The following PHF7 variants were observed in gnomAD, a reference collection of about 807,000 sequenced individuals.
The protein encoded by PHF7 is PHD finger protein 7, also known as E3 ubiquitin-protein ligase PHF7.
PHF7 carries 24 observed loss-of-function variants against 47.5 expected under a neutral mutation model. That is an observed-to-expected ratio of 0.51 (90% CI 0.37 to 0.71). The LOEUF (loss-of-function observed/expected upper bound fraction) is 0.71, where lower values mean the gene tolerates loss of function less well. Among genes scored for constraint, PHF7 ranks in the 30% least tolerant of loss-of-function variants. The probability of loss-of-function intolerance (pLI) is 0.00; values close to 1 mark genes in which losing one functional copy is unlikely to be tolerated. For missense variants in PHF7, 361 were observed against 456.8 expected (o/e 0.79, Z 1.91); for synonymous variants, 156 against 153.8 (o/e 1.01, Z -0.11).
intron 7 of PHF7, 145 bp downstream of exon 7, chr3:52,421,207 G>A (rs1705779395): frequency 1.5e-6 from 1 of 685,964 alleles, no homozygotes; most frequent in African/African-American, 1.8e-5. Context: ...CAGGCAGTTA[G>A]AGGAAAGTCA....
chr3:52,419,747 G>GCTCTCTTACCCTGTCCTTCTC, intron 4 of PHF7, 86 bp from the exon 5 acceptor site: 1 of 813,898 alleles, frequency 1.2e-6, no homozygotes, highest in South Asian at 1.4e-5. Flanking sequence ...CTATTCTTTA[G>GCTCTCTTACCCTGTCCTTCTC]CTCTCTTACC....
chr3:52,423,240 T>C lies in PHF7; in HGVS notation c.1069T>C (p.Ser357Pro). The change falls in exon 11 of 11, where the codon TCC becomes CCC. Residue 357 changes from serine to proline, a missense_variant. Coordinates refer to ENST00000327906, the MANE Select transcript of PHF7 (RefSeq NM_016483.7). The part of the protein sequence containing the change: ...PEPSLLEKPE[S>P]SRGRRSYSWR... ...ACCTTCCTTATTAGAAAAGCCAGAG[T>C]CCTCTCGTGGCAGGAGGAGCTACTC... 6.2e-7 allele frequency: 1 copy of C among 1,613,984 alleles called. No homozygotes were observed. The highest frequency in any genetic ancestry group is 8.5e-7 in the Non-Finnish European group (1 of 1,179,950).
At position 52,421,657 on chromosome 3, in the gene PHF7, C is replaced by T. The variant is rs753391887; in HGVS notation, c.583C>T (p.His195Tyr). 31 of 1,592,622 alleles carry T rather than the reference C, an allele frequency of 1.9e-5. No homozygotes were observed. Among genetic ancestry groups the T allele is most frequent in the Middle Eastern group, 3.3e-4 (2 of 6,014 alleles). Residue 195 changes from histidine to tyrosine, a missense_variant, in exon 8 of 11, where the codon CAC (histidine) becomes TAC (tyrosine). By Grantham distance (83) the His-to-Tyr change is moderately conservative (BLOSUM62 2). Coordinates refer to ENST00000327906, the MANE Select transcript of PHF7 (RefSeq NM_016483.7). Reference sequence around the variant, plus strand: ...CCTGTTTCTCTTACAGAAATATGCCCACACATCAGCAAAGCATTTCTTCAA... The same window carrying T: ...CCTGTTTCTCTTACAGAAATATGCCTACACATCAGCAAAGCATTTCTTCAA... ...YHRKCIQKYA[H>Y]TSAKHFFKCP...
chr3:52,422,344 G>A lies in PHF7; in HGVS notation c.797+6G>A. The A allele has an allele frequency of 6.4e-7, 1 of 1,562,588 alleles. No homozygotes were observed. The highest frequency in any genetic ancestry group is 1.7e-5 in the Admixed American group (1 of 59,972). ...GACAGCTTTGAGGATGAAGGGTAGG[G>A]GAAGGCTTCTGGCTAGAAAGAGCTC... is the stretch of plus-strand genomic sequence containing the variant. On this transcript the variant is annotated splice_donor_region_variant and intron_variant, in intron 9 of 10. Transcript: ENST00000327906.
intron 8 of PHF7, chr3:52,422,000 T>A: frequency 1.7e-6 from 1 of 595,934 alleles, no homozygotes; most frequent in Non-Finnish European, 3.0e-6. Flanking sequence ...GGTTGAGTTA[T>A]TGGATTCCAG....
intron 4 of PHF7, among the ~76,000 whole-genome samples, chr3:52,415,818 C>A (rs1457222020): frequency 1.3e-5 from 2 of 152,200 alleles, no homozygotes; most frequent in East Asian, 1.9e-4. Flanking sequence ...CATTTGAGGA[C>A]TATTATGAAT....
At chr3:52,415,574 G>A (rs1431631300) in intron 4 of PHF7, among the ~76,000 whole-genome samples, 1 of 152,178 alleles carries the variant, frequency 6.6e-6, no homozygotes, top group Non-Finnish European at 1.5e-5. Context: ...CGTAATCACT[G>A]TTCTGATCTA....
intron 8 of PHF7, 75 bp from the exon 9 acceptor site, chr3:52,422,147 C>T: frequency 9.8e-7 from 1 of 1,022,752 alleles, no homozygotes; most frequent in Admixed American, 1.7e-5. Flanking sequence ...TTGGGCTCTT[C>T]CTAACTCCTC....
At position 52,423,263 on chromosome 3, in the gene PHF7, CTCCT is replaced by C. The variant is rs1210783695; in HGVS notation, c.1093_1096del (p.Ser365GlyfsTer20). 1 of 1,614,044 alleles carries C rather than the reference CTCCT, an allele frequency of 6.2e-7. No individual in the cohort carries two copies. Among genetic ancestry groups the C allele is most frequent in the Non-Finnish European group, 8.5e-7 (1 of 1,180,008 alleles). ...AGTCCTCTCGTGGCAGGAGGAGCTA[CTCCT>C]GGAGGTCCAAGGGTGTCAGAATCAC... On this transcript the variant is annotated frameshift_variant, in exon 11 of 11. Coordinates refer to ENST00000327906, the MANE Select transcript of PHF7 (RefSeq NM_016483.7). LOFTEE classifies it high-confidence loss of function.
chr3:52,412,865 G>C lies in PHF7; in HGVS notation c.-15G>C, dbSNP rs1395140112. On this transcript the variant is annotated 5_prime_UTR_variant, in exon 2 of 11. Coordinates refer to ENST00000327906, the MANE Select transcript of PHF7 (RefSeq NM_016483.7). ...GTATAGAAGAATTCAAGAGAGGAGA[G>C]AGAGACAGCACCGAATGAAGACTGT... 3 of 1,599,780 alleles carry C rather than the reference G, an allele frequency of 1.9e-6. No homozygotes were observed. In the South Asian group the frequency reaches 3.3e-5, roughly 18 times the overall value.
At chr3:52,414,747 G>T (rs1320977254) in intron 4 of PHF7, 160 bp downstream of exon 4, 2 of 382,450 alleles carry the variant, frequency 5.2e-6, no homozygotes, top group Non-Finnish European at 9.4e-6. Flanking sequence ...AGTGGCTCAC[G>T]CCTGTAATCC....
intron 9 of PHF7, 34 bp downstream of exon 9, chr3:52,422,372 A>G: frequency 1.5e-6 from 2 of 1,298,510 alleles, no homozygotes; most frequent in South Asian, 2.4e-5. Context: ...AAGAGCTCTC[A>G]TCAGTGCTAT....
Position 52,420,889 on chromosome 3 carries a change from T to C in PHF7, c.414-14T>C. ...AATGACAAACCAGAAACCAAGTCTG[T>C]TTACCTGCCACAGATCATTTTGTGA... On this transcript the variant is annotated splice_polypyrimidine_tract_variant and intron_variant, in intron 6 of 10. Transcript: ENST00000327906. 1.3e-6 allele frequency: 2 copies of C among 1,599,216 alleles called. No individual in the cohort carries two copies. The highest frequency in any genetic ancestry group is 1.7e-6 in the Non-Finnish European group (2 of 1,173,074).
At chr3:52,413,928 GAA>G in intron 2 of PHF7, 66 bp from the exon 3 acceptor site, 1 of 1,065,178 alleles carries the variant, frequency 9.4e-7, no homozygotes, top group South Asian at 1.3e-5. Flanking sequence ...CATTTTAAGA[GAA>G]ATGTTAAAAA....
chr3:52,413,306 G>T (rs1705517612), intron 2 of PHF7, among the ~76,000 whole-genome samples: 2 of 152,164 alleles, frequency 1.3e-5, no homozygotes, highest in South Asian at 4.1e-4. Flanking sequence ...CAAGAATAGT[G>T]CCTCGCAACA....
chr3:52,410,832 C>G lies in PHF7; in HGVS notation c.-485C>G, dbSNP rs914640231. 6.6e-6 allele frequency: 1 copy of G among 152,578 alleles called. No homozygotes were observed. Among genetic ancestry groups the G allele is most frequent in the Non-Finnish European group, 1.5e-5 (1 of 68,274 alleles). The allele number at this position is 152,578 out of a possible 1,614,324, so 9.5% of individuals were successfully genotyped here. On this transcript the variant is annotated 5_prime_UTR_variant, in exon 1 of 11. Transcript: ENST00000327906. ...CGAGGAGGAGCGGCGGAGGCGACCT[C>G]GGCCCGGCCCTGCACTGGCCGCCCG... is the stretch of plus-strand genomic sequence containing the variant.
chr3:52,421,985 T>TG (rs772304285), intron 8 of PHF7: 407 of 591,776 alleles, frequency 6.9e-4, no homozygotes, highest in Non-Finnish European at 1.0e-3. Flanking sequence ...CAGAATTCCC[T>TG]GGGGGGTTGA....
chr3:52,413,060 A>C, intron 2 of PHF7, 140 bp downstream of exon 2: 1 of 686,352 alleles, frequency 1.5e-6, no homozygotes, highest in Non-Finnish European at 2.6e-6. Flanking sequence ...GGGAGCTGTC[A>C]TACCTGTCTT....
chr3:52,416,189 T>G (rs1463775622), intron 4 of PHF7, among the ~76,000 whole-genome samples: 1 of 135,428 alleles, frequency 7.4e-6, no homozygotes, highest in Non-Finnish European at 1.6e-5. Context: ...GGTTTTTTGG[T>G]TTTTTTTTTT....
Sources: gnomAD v4.1 joint callset for allele counts (sites outside exome capture counted in the v4.1 genomes callset) on GRCh38, gnomAD v4.1.1 for gene constraint, MANE v1.5 for transcripts, NCBI Gene and HGNC (gene_info 2026-07-23, HGNC 2026-07-21) for gene names.